HELQ: variants seen among roughly 807,000 people sequenced by gnomAD.
The protein encoded by HELQ is helicase, POLQ like, also known as helicase POLQ-like.
In HELQ, 77 loss-of-function variants were observed where a neutral mutation model predicts 111.6. The observed-to-expected ratio is 0.69, with a 90% confidence interval of 0.57 to 0.83. The LOEUF (loss-of-function observed/expected upper bound fraction) is 0.83. HELQ is among the 40% of genes least tolerant of loss of function. The pLI, the probability that HELQ is intolerant of heterozygous loss-of-function variation, is 0.00. For missense variants in HELQ, 1,200 were observed against 1,288.5 expected, an observed-to-expected ratio of 0.93 and a Z score of 1.05; for synonymous variants, 438 against 454.7, an observed-to-expected ratio of 0.96 and a Z score of 0.47.
At position 83,453,946 on chromosome 4, in the gene HELQ, C is replaced by G. The variant is rs752340592; in HGVS notation, c.298-1G>C. 5.1e-6 allele frequency: 8 copies of G among 1,571,232 alleles called. No homozygotes were observed. The highest frequency in any genetic ancestry group is 7.0e-6 in the Non-Finnish European group (8 of 1,150,932). Reference sequence around the variant, plus strand: ...ACATGTCCACTTCACTGTCATTAGGCTGCAAAGAGAACAAAAACGCTTATG... The same window carrying G: ...ACATGTCCACTTCACTGTCATTAGGGTGCAAAGAGAACAAAAACGCTTATG... On this transcript the variant is annotated splice_acceptor_variant, in intron 1 of 17. Transcript: ENST00000295488. LOFTEE classifies it high-confidence loss of function.
chr4:83,437,059 A>G lies in HELQ; in HGVS notation c.1847T>C (p.Val616Ala), dbSNP rs1396259830. The G allele has an allele frequency of 2.5e-6, 4 of 1,613,274 alleles. No homozygotes were observed. The highest frequency in any genetic ancestry group is 1.3e-5 in the African/African-American group (1 of 74,892). ...GCCAATATTCTTCAAGTTCTTAATC[A>G]CCTCACATTTTTCTTTCTCCTTATG... ...LKHKEKEKCE[V>A]IKNLKNIGNG... is the part of the protein sequence containing the mutation. The change falls in exon 9 of 18, where the codon GTG (valine) becomes GCG (alanine). Residue 616 changes from valine (V) to alanine (A), a missense_variant. By Grantham distance (64) the Val-to-Ala change is moderately conservative. Coordinates refer to ENST00000295488, the MANE Select transcript of HELQ (RefSeq NM_133636.5).
intron 7 of HELQ, 133 bp from the exon 8 acceptor site, chr4:83,440,141 TA>T (rs1384689033): frequency 4.7e-6 from 3 of 632,182 alleles, no homozygotes; most frequent in Non-Finnish European, 8.0e-6. Flanking sequence ...TCTGATCATT[TA>T]AAAGAAAAGA....
At chr4:83,426,181 T>A (rs1719839270) in intron 13 of HELQ, 89 bp from the exon 14 acceptor site, 1 of 707,888 alleles carries the variant, frequency 1.4e-6, no homozygotes, top group Non-Finnish European at 2.5e-6. Flanking sequence ...CACATTCTCA[T>A]GATTCAGGAT....
chr4:83,452,226 C>G (rs1180144809), intron 2 of HELQ, among the ~76,000 whole-genome samples: 1 of 152,164 alleles, frequency 6.6e-6, no homozygotes, highest in Admixed American at 6.5e-5. Context: ...TGTAAACTTT[C>G]TTAAAACATT....
chr4:83,426,975 A>G (rs1460363217), intron 13 of HELQ, among the ~76,000 whole-genome samples: 2 of 152,224 alleles, frequency 1.3e-5, no homozygotes, highest in African/African-American at 4.8e-5. Flanking sequence ...GATGGGTTGT[A>G]AAATAAATAT....
intron 13 of HELQ, 118 bp from the exon 14 acceptor site, chr4:83,426,210 A>G (rs4693624): frequency 0.41 from 254,901 of 623,010 alleles, 56,807 homozygotes; most frequent in East Asian, 0.65. Flanking sequence ...CAAGATAAAT[A>G]TATTTGTAAA....
At position 83,446,102 on chromosome 4, in the gene HELQ, T is replaced by G; in HGVS notation, c.1393-16A>C. 1 of 1,585,144 alleles carries G rather than the reference T, an allele frequency of 6.3e-7. No individual in the cohort carries two copies. Among genetic ancestry groups the G allele is most frequent in the Non-Finnish European group, 8.7e-7 (1 of 1,154,572 alleles). On this transcript the variant is annotated splice_polypyrimidine_tract_variant and intron_variant, in intron 4 of 17. Coordinates refer to ENST00000295488, the MANE Select transcript of HELQ (RefSeq NM_133636.5). ...TCATGTGCAACTTCGAGATTTTTTT[T>G]AAAAAGGACAGAGAAGTAAATCTTC... is the stretch of plus-strand genomic sequence containing the variant.
At chr4:83,427,839 C>T in intron 12 of HELQ, 119 bp from the exon 13 acceptor site, 1 of 610,740 alleles carries the variant, frequency 1.6e-6, no homozygotes, top group African/African-American at 1.9e-5. Context: ...TCTCTTATAA[C>T]ATCTTACTAT....
chr4:83,421,381 ATAG>A (rs1739674445), intron 15 of HELQ, among the ~76,000 whole-genome samples, 179 bp downstream of exon 15: 1 of 152,254 alleles, frequency 6.6e-6, no homozygotes, highest in South Asian at 2.1e-4. Flanking sequence ...TAAGTACATA[ATAG>A]TAGTTTCATA....
chr4:83,409,470 C>T (rs1334229785), intron 17 of HELQ, among the ~76,000 whole-genome samples: 2 of 151,920 alleles, frequency 1.3e-5, no homozygotes, highest in Non-Finnish European at 2.9e-5. Context: ...AGGAGAATGG[C>T]GTGAACCTGG....
chr4:83,428,576 C>A (rs1719968434), intron 12 of HELQ, among the ~76,000 whole-genome samples: 1 of 151,986 alleles, frequency 6.6e-6, no homozygotes, highest in Non-Finnish European at 1.5e-5. Context: ...AGCAAACAAA[C>A]AAACCAACCA....
intron 9 of HELQ, among the ~76,000 whole-genome samples, chr4:83,433,904 C>T (rs1201976898): frequency 6.7e-6 from 1 of 149,064 alleles, no homozygotes; most frequent in African/African-American, 2.5e-5. Flanking sequence ...TCACTTGAAC[C>T]CGGGAGGCAG....
intron 5 of HELQ, among the ~76,000 whole-genome samples, chr4:83,444,874 T>C (rs1235211096): frequency 6.6e-6 from 1 of 152,144 alleles, no homozygotes; most frequent in Non-Finnish European, 1.5e-5. Context: ...AATAAACTAA[T>C]TGGATTTGCA....
intron 13 of HELQ, among the ~76,000 whole-genome samples, chr4:83,427,042 C>T (rs755966217): frequency 3.3e-5 from 5 of 152,060 alleles, no homozygotes; most frequent in South Asian, 4.1e-4. Context: ...TGGCTCTGAC[C>T]GAGCTTTCAT....
chr4:83,416,790 C>G lies in HELQ; in HGVS notation c.3139G>C (p.Val1047Leu), dbSNP rs749332346. 1.2e-6 allele frequency: 2 copies of G among 1,613,902 alleles called. No homozygotes were observed. Among genetic ancestry groups the G allele is most frequent in the Non-Finnish European group, 8.5e-7 (1 of 1,179,846 alleles). ...CTTGATAAATGATCAATTGTCCTTA[C>G]GAGCACTTCAGGATTTGCATTAGCT... ...HLANANPEVLVRTIDHLSRRQ... is the reference protein window; with the variant it reads ...HLANANPEVLLRTIDHLSRRQ... The change falls in exon 17 of 18, where the codon GTA becomes CTA. Residue 1047 changes from valine (V) to leucine (L), a missense_variant. Physicochemically the swap from Val to Leu is conservative, Grantham distance 32. This residue lies in a region of HELQ where 585 missense variants were observed against 665.3 expected (regional missense o/e 0.88). Transcript: ENST00000295488.
rs10718573 is a variant in HELQ at position 83,448,971 on chromosome 4, T to TA, written c.1013-11dup. On this transcript the variant is annotated splice_polypyrimidine_tract_variant and intron_variant, in intron 2 of 17. Coordinates refer to ENST00000295488, the MANE Select transcript of HELQ (RefSeq NM_133636.5). ...CAAGTATGTTGCCATTCTGTGGAAT[T>TA]AAAAAAAAAAAGGCATTATTTTCCC... 2,617 of 1,343,296 alleles carry TA rather than the reference T, an allele frequency of 1.9e-3. No homozygotes were observed. The highest frequency in any genetic ancestry group is 2.6e-3 in the South Asian group (178 of 69,304). 83.2% of individuals were successfully genotyped at this position (1,343,296 alleles called of 1,614,324 possible).
chr4:83,426,815 C>T (rs918401497), intron 13 of HELQ, among the ~76,000 whole-genome samples: 3 of 151,746 alleles, frequency 2.0e-5, no homozygotes, highest in East Asian at 1.9e-4. Context: ...ATCCTCCCAC[C>T]TTGGCCTCCC....
At chr4:83,442,818 T>C (rs901111142) in intron 6 of HELQ, among the ~76,000 whole-genome samples, 4 of 152,080 alleles carry the variant, frequency 2.6e-5, no homozygotes, top group African/African-American at 7.2e-5. Flanking sequence ...TCTTAAAGTG[T>C]TGGCATTGCA....
In HELQ at chr4:83,446,093, G is replaced by A; in HGVS notation, c.1393-7C>T. 2.5e-6 allele frequency: 4 copies of A among 1,607,814 alleles called. No individual in the cohort carries two copies. Among genetic ancestry groups the A allele is most frequent in the Non-Finnish European group, 3.4e-6 (4 of 1,174,830 alleles). On this transcript the variant is annotated splice_polypyrimidine_tract_variant and splice_region_variant and intron_variant, in intron 4 of 17. Transcript: ENST00000295488. Reference sequence around the variant, plus strand: ...CTTCACCAATCATGTGCAACTTCGAGATTTTTTTTAAAAAGGACAGAGAAG... The same window carrying A: ...CTTCACCAATCATGTGCAACTTCGAAATTTTTTTTAAAAAGGACAGAGAAG...
Sources: allele counts gnomAD v4.1 joint callset (sites outside exome capture counted in the v4.1 genomes callset), GRCh38; gene constraint gnomAD v4.1.1; regional missense constraint gnomAD v4.1.1; transcripts MANE v1.5; gene names NCBI Gene and HGNC (gene_info 2026-07-23, HGNC 2026-07-21).